The following STON2 variants were observed in gnomAD, a reference collection of about 807,000 sequenced individuals.
STON2 encodes the protein stonin-2.
Under a neutral mutation model 65.7 loss-of-function variants are expected in STON2, and 29 were observed. The observed-to-expected ratio is 0.44, with a 90% confidence interval of 0.33 to 0.60. STON2 has a LOEUF of 0.60. Ranked by LOEUF, STON2 falls within the 20% of genes least tolerant of loss-of-function variation. The probability of loss-of-function intolerance (pLI) is 0.03; values close to 1 mark genes in which losing one functional copy is unlikely to be tolerated. For synonymous variants in STON2, 404 were observed against 414.2 expected (o/e 0.98, Z 0.30); for missense variants, 1,054 against 1,118.1 (o/e 0.94, Z 0.82).
chr14:81,431,202 GA>G (rs1480937781), intron 1 of STON2, among the ~76,000 whole-genome samples: 1 of 152,160 alleles, frequency 6.6e-6, no homozygotes, highest in Non-Finnish European at 1.5e-5. Flanking sequence ...AATCCTGGGG[GA>G]GTTTCTCCTG....
chr14:81,349,945 A>G (rs1227807173), intron 4 of STON2, among the ~76,000 whole-genome samples: 1 of 152,174 alleles, frequency 6.6e-6, no homozygotes, highest in African/African-American at 2.4e-5. Flanking sequence ...ATGGAACTGG[A>G]GGTCATTATG....
rs373263305 is a variant in STON2, at chr14:81,419,263, C to T, written c.-199+7839G>A. Among the ~76,000 whole-genome samples, 84 of 152,312 alleles carry T rather than the reference C, an allele frequency of 5.5e-4. 2 individuals are homozygous for T. The South Asian group carries it at 0.011, about 20-fold the overall frequency. ...TGATATAAGCTGCTATTACTAATGA[C>T]TCTTTTCCAGATGAGGAAACTAAGG... On this transcript the variant is annotated intron_variant, in intron 2 of 8. Coordinates refer to the STON2 transcript ENST00000553821.
At chr14:81,327,124 C>T (rs1897030679) in intron 4 of STON2, among the ~76,000 whole-genome samples, 1 of 152,172 alleles carries the variant, frequency 6.6e-6, no homozygotes, top group Admixed American at 6.5e-5. Context: ...TGCCACTACA[C>T]TCCAGCCTGA....
intron 5 of STON2, among the ~76,000 whole-genome samples, chr14:81,311,008 T>C (rs1431827525): frequency 1.3e-5 from 2 of 152,200 alleles, no homozygotes; most frequent in Non-Finnish European, 2.9e-5. Context: ...CGAGTACTTG[T>C]TCCCTATTAG....
chr14:81,342,579 G>A (rs1897655300), intron 4 of STON2, among the ~76,000 whole-genome samples: 1 of 151,984 alleles, frequency 6.6e-6, no homozygotes. Context: ...TGAAGGCCCT[G>A]TGTGCTGTGT....
intron 2 of STON2, among the ~76,000 whole-genome samples, chr14:81,419,904 G>A (rs1233547891): frequency 4.6e-5 from 7 of 152,126 alleles, no homozygotes; most frequent in South Asian, 4.1e-4. Flanking sequence ...CACAAGAATC[G>A]GCTTGTTGCT....
chr14:81,355,163 T>C (rs543179420), intron 4 of STON2, among the ~76,000 whole-genome samples: 1 of 152,084 alleles, frequency 6.6e-6, no homozygotes, highest in African/African-American at 2.4e-5. Flanking sequence ...TCAAGAGACC[T>C]AACCTTCACA....
At chr14:81,365,558 C>A (rs1247502711) in intron 4 of STON2, among the ~76,000 whole-genome samples, 3 of 151,990 alleles carry the variant, frequency 2.0e-5, no homozygotes, top group Non-Finnish European at 4.4e-5. Context: ...GAGTTCGAGA[C>A]CAAACTGTCC....
chr14:81,365,297 C>A (rs1898670429), intron 4 of STON2, among the ~76,000 whole-genome samples: 1 of 152,134 alleles, frequency 6.6e-6, no homozygotes, highest in South Asian at 2.1e-4. Flanking sequence ...CTAGAGTTGA[C>A]AGGGGTTTGG....
intron 2 of STON2, among the ~76,000 whole-genome samples, chr14:81,416,532 T>C (rs990485560): frequency 6.6e-6 from 1 of 152,134 alleles, no homozygotes; most frequent in Admixed American, 6.5e-5. Flanking sequence ...CAGGGCCCAT[T>C]CCCATGGTCA....
At chr14:81,327,995 A>G (rs1345719790) in intron 4 of STON2, among the ~76,000 whole-genome samples, 13 of 152,176 alleles carry the variant, frequency 8.5e-5, no homozygotes, top group Admixed American at 8.5e-4. Context: ...TTTTTCATCT[A>G]TAACATGGAG....
At chr14:81,417,390 G>A (rs1343946363) in intron 2 of STON2, among the ~76,000 whole-genome samples, 1 of 151,872 alleles carries the variant, frequency 6.6e-6, no homozygotes, top group African/African-American at 2.4e-5. Flanking sequence ...TGGGCAAAAA[G>A]ATGAAAGTAG....
Position 81,268,751 on chromosome 14 carries a change from G to C in STON2, c.2785-254C>G, listed in dbSNP as rs972114642. 1.1e-5 allele frequency: 7 copies of C among 619,740 alleles called. No homozygotes were observed. The African/African-American group carries it at 1.4e-4, about 12-fold the overall frequency. The allele number at this position is 619,740 out of a possible 1,614,324, so 38.4% of individuals were successfully genotyped here. On this transcript the variant is annotated intron_variant, in intron 7 of 7. Transcript: ENST00000614646. ...TTCTTATTCTTTGCCTTGTACATTT[G>C]GTCAAAGATCACCCCTTCTGTGAAG...
intron 7 of STON2, 164 bp downstream of exon 7, chr14:81,270,506 A>C: frequency 3.3e-6 from 5 of 1,525,294 alleles, no homozygotes; most frequent in Non-Finnish European, 4.4e-6. Context: ...TATGCATTTA[A>C]ATCAGAGCAG....
chr14:81,398,664 G>A (rs889855542), intron 1 of STON2, 84 bp from the exon 2 acceptor site: 8 of 282,582 alleles, frequency 2.8e-5, no homozygotes, highest in Admixed American at 1.5e-4. Context: ...GGCTTTTAGC[G>A]CTGCCCACAA....
Position 81,265,677 on chromosome 14 carries a change from C to G in STON2, c.*2737G>C. ...AATAATAATAATAATAATAATAATA[C>G]TCTGTCTCAATAATAATAATAATAA... On this transcript the variant is annotated 3_prime_UTR_variant, in exon 8 of 8. Transcript: ENST00000614646. The G allele has an allele frequency of 1.2e-5, 3 of 252,048 alleles. No homozygotes were observed. In the South Asian group the frequency reaches 5.3e-4, roughly 44 times the overall value. 15.6% of individuals were successfully genotyped at this position (252,048 alleles called of 1,614,324 possible).
Position 81,277,543 on chromosome 14 carries a change from T to A in STON2, c.1939A>T (p.Ile647Phe), listed in dbSNP as rs140896590. ...SGIVSKGDNQ[I>F]LQHHVLTRIH... The stretch of plus-strand genomic sequence containing the variant: ...CGTGTCAAGACATGGTGCTGGAGAA[T>A]CTGGTTGTCTCCTTTGCTCACAATG... Residue 647 changes from isoleucine (I) to phenylalanine (F), a missense_variant, in exon 6 of 8, where the codon ATT becomes TTT. Ile to Phe is a conservative substitution (Grantham distance 21, BLOSUM62 0). Transcript: ENST00000614646. The A allele has an allele frequency of 3.1e-6, 5 of 1,614,056 alleles. No homozygotes were observed. The African/African-American group carries it at 6.7e-5, about 22-fold the overall frequency.
chr14:81,310,523 C>G (rs10149798), intron 5 of STON2, among the ~76,000 whole-genome samples: 1 of 152,176 alleles, frequency 6.6e-6, no homozygotes, highest in Non-Finnish European at 1.5e-5. Flanking sequence ...GTAAGGTTTA[C>G]GTAAGACTGA....
At chr14:81,273,649 G>A (rs1894688832) in intron 6 of STON2, among the ~76,000 whole-genome samples, 1 of 152,146 alleles carries the variant, frequency 6.6e-6, no homozygotes, top group Admixed American at 6.5e-5. Flanking sequence ...GGGCCCCGCC[G>A]GCGGGAGTCA....
Sources: gnomAD v4.1 joint callset for allele counts (sites outside exome capture counted in the v4.1 genomes callset) on GRCh38, gnomAD v4.1.1 for gene constraint, MANE v1.5 for transcripts, NCBI Gene and HGNC (gene_info 2026-07-23, HGNC 2026-07-21) for gene names.